Variants in MCC observed in about 807,000 individuals in gnomAD.
MCC encodes the protein colorectal mutant cancer protein.
MCC carries 90 observed loss-of-function variants against 116.2 expected under a neutral mutation model. That is an observed-to-expected ratio of 0.77 (90% confidence interval 0.65 to 0.92). The LOEUF (loss-of-function observed/expected upper bound fraction) is 0.92, where lower values mean the gene tolerates loss of function less well. Ranked by LOEUF, MCC falls within the 40% of genes least tolerant of loss-of-function variation. The pLI is 0.00. For missense variants in MCC, 1,516 were observed against 1,312.2 expected (o/e 1.16, Z -2.40); for synonymous variants, 578 against 510.5 (o/e 1.13, Z -1.78).
Position 113,138,621 on chromosome 5 carries a change from G to C in MCC, c.884+4597C>G, listed in dbSNP as rs190028544. ...TGAGAAATACATTTCTGTTGTGTGA[G>C]CCACCTTGTCTATGATATTGTGTTA... On this transcript the variant is annotated intron_variant, in intron 5 of 18. Transcript: ENST00000408903. 7.2e-5 allele frequency among the ~76,000 whole-genome samples: 11 copies of C among 152,314 alleles called. No individual in the cohort carries two copies. The East Asian group carries it at 1.7e-3, about 24-fold the overall frequency.
At chr5:113,170,913 G>A (rs1435688415) in intron 3 of MCC, among the ~76,000 whole-genome samples, 1 of 152,128 alleles carries the variant, frequency 6.6e-6, no homozygotes, top group East Asian at 1.9e-4. Flanking sequence ...CTGAAGAGTG[G>A]GTGTTTGGCT....
intron 3 of MCC, among the ~76,000 whole-genome samples, chr5:113,192,911 G>A (rs1762217203): frequency 2.6e-5 from 4 of 152,218 alleles, no homozygotes; most frequent in African/African-American, 9.6e-5. Flanking sequence ...TGAACTTAGT[G>A]GCTTAAACCA....
At chr5:113,170,822 G>A (rs1761035591) in intron 3 of MCC, among the ~76,000 whole-genome samples, 1 of 152,018 alleles carries the variant, frequency 6.6e-6, no homozygotes, top group Admixed American at 6.6e-5. Flanking sequence ...AGAGCCCTTG[G>A]GAATACTTAT....
At chr5:113,394,927 T>C (rs1247202554) in intron 1 of MCC, among the ~76,000 whole-genome samples, 1 of 152,234 alleles carries the variant, frequency 6.6e-6, no homozygotes, top group Non-Finnish European at 1.5e-5. Context: ...GTAATGTCTA[T>C]GACTACTTTT....
intron 14 of MCC, among the ~76,000 whole-genome samples, chr5:113,058,845 G>C (rs950074721): frequency 1.3e-5 from 2 of 152,216 alleles, no homozygotes; most frequent in African/African-American, 4.8e-5. Context: ...GAGTAAGAGA[G>C]AAGGTGGCCA....
At chr5:113,277,050 A>G (rs1184335201) in intron 3 of MCC, among the ~76,000 whole-genome samples, 1 of 152,030 alleles carries the variant, frequency 6.6e-6, no homozygotes, top group African/African-American at 2.4e-5. Context: ...CTTTATAACT[A>G]AAGACATACC....
At chr5:113,474,113 T>C (rs76096778) in intron 1 of MCC, among the ~76,000 whole-genome samples, 5,666 of 152,288 alleles carry the variant, frequency 0.037, 148 homozygotes, top group Middle Eastern at 0.078. Context: ...AAAAAGTTGA[T>C]AAACTTTTTT....
At chr5:113,179,918 G>C (rs1761525692) in intron 3 of MCC, among the ~76,000 whole-genome samples, 1 of 152,154 alleles carries the variant, frequency 6.6e-6, no homozygotes, top group Non-Finnish European at 1.5e-5. Context: ...AGGAATCCCT[G>C]GTCAAGAGAC....
At chr5:113,131,689 T>C (rs1310200043) in intron 5 of MCC, among the ~76,000 whole-genome samples, 1 of 152,124 alleles carries the variant, frequency 6.6e-6, no homozygotes, top group Admixed American at 6.5e-5. Context: ...GAACTGCTAC[T>C]GACTTTGCAC....
At chr5:113,377,565 G>A (rs986709754) in intron 2 of MCC, among the ~76,000 whole-genome samples, 27 of 152,178 alleles carry the variant, frequency 1.8e-4, no homozygotes, top group African/African-American at 4.8e-4. Flanking sequence ...GGAAACTCCA[G>A]TAATCAAGAG....
chr5:113,309,885 TCTTC>T (rs1250684354), intron 3 of MCC, among the ~76,000 whole-genome samples: 2 of 148,606 alleles, frequency 1.3e-5, no homozygotes, highest in African/African-American at 4.9e-5. Context: ...CCCCTTCCTT[TCTTC>T]CTTCCTTCTT....
rs147234523 is a variant in MCC, at chr5:113,073,493, G to A, written c.1785-2259C>T. ...TTCGAATAAAGAGTAAAATTTGTCC[G>A]TGGCATCAAAATCCACAGCTGAGCC... On this transcript the variant is annotated intron_variant, in intron 11 of 18. Transcript: ENST00000408903. 2.0e-3 allele frequency among the ~76,000 whole-genome samples: 310 copies of A among 152,236 alleles called. 2 individuals are homozygous for A. Among genetic ancestry groups the A allele is most frequent in the African/African-American group, 7.0e-3 (292 of 41,526 alleles).
chr5:113,230,104 T>C (rs559337085), intron 3 of MCC, among the ~76,000 whole-genome samples: 1 of 152,366 alleles, frequency 6.6e-6, no homozygotes, highest in East Asian at 1.9e-4. Context: ...TAGTGGATTC[T>C]AAAAATGGCC....
chr5:113,325,236 T>A (rs755884870), intron 3 of MCC, among the ~76,000 whole-genome samples: 5 of 152,128 alleles, frequency 3.3e-5, no homozygotes, highest in Non-Finnish European at 5.9e-5. Flanking sequence ...CAGTGTTTCC[T>A]TCTTACCACA....
At chr5:113,252,364 C>G (rs1052144259) in intron 3 of MCC, among the ~76,000 whole-genome samples, 12 of 152,298 alleles carry the variant, frequency 7.9e-5, no homozygotes, top group Middle Eastern at 3.4e-3. Context: ...GCTCTGCCTT[C>G]CATCAGATCA....
intron 3 of MCC, among the ~76,000 whole-genome samples, chr5:113,164,187 T>A (rs928803850): frequency 1.3e-5 from 2 of 152,156 alleles, no homozygotes; most frequent in Non-Finnish European, 2.9e-5. Context: ...AGTGCCAGAA[T>A]CCTGTCTACA....
Position 113,088,200 on chromosome 5 carries a change from T to C in MCC, c.1399-2890A>G, listed in dbSNP as rs184731960. Among the ~76,000 whole-genome samples the C allele has an allele frequency of 2.2e-3, 333 of 152,264 alleles. 5 individuals are homozygous for C. Among genetic ancestry groups the C allele is most frequent in the Non-Finnish European group, 4.1e-4 (28 of 68,030 alleles). ...CCAGCTGAAGGGAGTGCAGTGTGCC[T>C]GTCAGGGAAAGAAAGACAGCTGGTT... On this transcript the variant is annotated intron_variant, in intron 8 of 18. Transcript: ENST00000408903.
At chr5:113,041,671 T>A (rs1397383449) in intron 17 of MCC, among the ~76,000 whole-genome samples, 1 of 152,046 alleles carries the variant, frequency 6.6e-6, no homozygotes, top group Non-Finnish European at 1.5e-5. Context: ...ATTTTCTGGG[T>A]GGCAGACTGT....
chr5:113,303,392 T>A (rs536356664), intron 3 of MCC, among the ~76,000 whole-genome samples: 17 of 152,338 alleles, frequency 1.1e-4, no homozygotes, highest in African/African-American at 3.8e-4. Context: ...AATTGCAGCT[T>A]ACAGATTTCT....
Sources: gnomAD v4.1 joint callset for allele counts (sites outside exome capture counted in the v4.1 genomes callset) on GRCh38, gnomAD v4.1.1 for gene constraint, MANE v1.5 for transcripts, NCBI Gene and HGNC (gene_info 2026-07-23, HGNC 2026-07-21) for gene names.